Variants in FAF1 observed in about 807,000 individuals in gnomAD.
FAF1 encodes the protein FAS-associated factor 1.
FAF1 carries 25 observed loss-of-function variants against 92.5 expected under a neutral mutation model. The observed-to-expected ratio is 0.27, with a 90% CI of 0.20 to 0.38. The LOEUF is 0.38. Among genes scored for constraint, FAF1 ranks in the 10% least tolerant of loss-of-function variants. The pLI is 1.00. For synonymous variants in FAF1, 234 were observed against 273.2 expected (o/e 0.86, Z 1.42); for missense variants, 636 against 793.3 (o/e 0.80, Z 2.38).
chr1:50,823,027 G>A (rs958448572), intron 2 of FAF1, among the ~76,000 whole-genome samples: 8 of 152,098 alleles, frequency 5.3e-5, no homozygotes, highest in African/African-American at 1.9e-4. Context: ...GCCCGCCTCG[G>A]CCTCCCAAAG....
At chr1:50,895,670 A>G (rs1456337477) in intron 1 of FAF1, among the ~76,000 whole-genome samples, 1 of 152,198 alleles carries the variant, frequency 6.6e-6, no homozygotes, top group Non-Finnish European at 1.5e-5. Context: ...TGAATTCAAC[A>G]ACACATCAAA....
intron 15 of FAF1, among the ~76,000 whole-genome samples, chr1:50,523,872 T>A (rs978043993): frequency 6.6e-6 from 1 of 152,220 alleles, no homozygotes; most frequent in Non-Finnish European, 1.5e-5. Context: ...AGTGTCTTTA[T>A]AACAGAACAA....
At chr1:50,665,671 G>C (rs1655584925) in intron 7 of FAF1, among the ~76,000 whole-genome samples, 1 of 152,136 alleles carries the variant, frequency 6.6e-6, no homozygotes, top group South Asian at 2.1e-4. Flanking sequence ...ACATGTAACA[G>C]AGACTGCATG....
intron 2 of FAF1, among the ~76,000 whole-genome samples, chr1:50,850,921 C>T (rs964213027): frequency 1.3e-5 from 2 of 152,110 alleles, no homozygotes; most frequent in Non-Finnish European, 2.9e-5. Context: ...ATCATATTTA[C>T]AGGTGTGCTA....
chr1:50,490,400 G>C (rs1285404451), intron 17 of FAF1, among the ~76,000 whole-genome samples, 188 bp downstream of exon 17: 9 of 52,436 alleles, frequency 1.7e-4, no homozygotes, highest in African/African-American at 3.2e-4. Flanking sequence ...AGGAAGGAAG[G>C]AAGGAAGGAA....
chr1:50,629,371 A>G (rs1353111298), intron 8 of FAF1, among the ~76,000 whole-genome samples: 1 of 152,038 alleles, frequency 6.6e-6, no homozygotes, highest in Non-Finnish European at 1.5e-5. Flanking sequence ...GTTTCATCAT[A>G]TTGGTCAGGC....
chr1:50,532,112 AG>A (rs1197474941), intron 15 of FAF1, among the ~76,000 whole-genome samples: 1 of 152,184 alleles, frequency 6.6e-6, no homozygotes, highest in African/African-American at 2.4e-5. Flanking sequence ...CTTTAAAGTT[AG>A]AAATGCTTTT....
At chr1:50,683,244 C>T (rs1016620524) in intron 7 of FAF1, among the ~76,000 whole-genome samples, 5 of 150,016 alleles carry the variant, frequency 3.3e-5, no homozygotes, top group East Asian at 4.1e-4. Flanking sequence ...CATTATACCT[C>T]GGCCGGGTGT....
At chr1:50,619,005 C>G (rs1362366449) in intron 8 of FAF1, among the ~76,000 whole-genome samples, 1 of 152,132 alleles carries the variant, frequency 6.6e-6, no homozygotes, top group Admixed American at 6.5e-5. Context: ...AATTCACCAG[C>G]CTTGGACTCC....
intron 4 of FAF1, among the ~76,000 whole-genome samples, chr1:50,756,279 G>A (rs1287377719): frequency 6.6e-6 from 1 of 152,140 alleles, no homozygotes; most frequent in East Asian, 1.9e-4. Context: ...CAAGTTCAAA[G>A]TTCTACAAAT....
chr1:50,485,738 A>C (rs1387072367), intron 17 of FAF1, among the ~76,000 whole-genome samples: 2 of 151,488 alleles, frequency 1.3e-5, no homozygotes, highest in African/African-American at 2.4e-5. Flanking sequence ...GTAATTTATT[A>C]AGAAAAGAGG....
At chr1:50,553,990 AG>A (rs1050298285) in intron 13 of FAF1, among the ~76,000 whole-genome samples, 4 of 152,080 alleles carry the variant, frequency 2.6e-5, no homozygotes, top group Middle Eastern at 3.4e-3. Flanking sequence ...AGCATGTTAT[AG>A]AAAAAAAGGC....
intron 7 of FAF1, among the ~76,000 whole-genome samples, chr1:50,689,848 T>G (rs1656836292): frequency 6.6e-6 from 1 of 152,188 alleles, no homozygotes; most frequent in Admixed American, 6.5e-5. Flanking sequence ...ATTCTGAAAA[T>G]TAGCCTATGT....
At chr1:50,872,472 T>C (rs1226859093) in intron 1 of FAF1, among the ~76,000 whole-genome samples, 4 of 152,218 alleles carry the variant, frequency 2.6e-5, no homozygotes, top group African/African-American at 2.4e-5. Context: ...CTACTCCTGA[T>C]GTAGATGCTG....
chr1:50,956,924 G>GCGACAGT lies in FAF1; in HGVS notation c.45+2842_45+2843insACTGTCG, dbSNP rs1354802565. On this transcript the variant is annotated intron_variant, in intron 1 of 18. Transcript: ENST00000396153. ...GATCATGCCATTGCACTCCAGCCTGGGCAACAAGAGTGAAACTCCATCTCA... is the reference window on the plus strand; with the variant it reads ...GATCATGCCATTGCACTCCAGCCTGGCGACAGTGCAACAAGAGTGAAACTCCATCTCA... Among the ~76,000 whole-genome samples, 29 of 152,152 alleles carry GCGACAGT rather than the reference G, an allele frequency of 1.9e-4. No homozygotes were observed. In the East Asian group the frequency reaches 5.0e-3, roughly 26 times the overall value.
intron 1 of FAF1, among the ~76,000 whole-genome samples, chr1:50,890,781 G>C (rs1339837452): frequency 2.6e-5 from 4 of 152,206 alleles, no homozygotes; most frequent in African/African-American, 9.6e-5. Context: ...CTTTCTCTCT[G>C]GCTGCCCTTA....
intron 1 of FAF1, among the ~76,000 whole-genome samples, chr1:50,900,803 C>A (rs571100589): frequency 3.3e-5 from 5 of 152,014 alleles, no homozygotes; most frequent in African/African-American, 4.8e-5. Context: ...TATTTATTCA[C>A]GTTCATCTTT....
intron 7 of FAF1, among the ~76,000 whole-genome samples, chr1:50,703,073 C>T (rs1657539550): frequency 6.6e-6 from 1 of 151,602 alleles, no homozygotes; most frequent in Non-Finnish European, 1.5e-5. Context: ...AACATTTTTT[C>T]CTTTCCCTCA....
intron 1 of FAF1, among the ~76,000 whole-genome samples, chr1:50,868,594 T>C (rs928689430): frequency 6.6e-6 from 1 of 152,208 alleles, no homozygotes; most frequent in East Asian, 1.9e-4. Flanking sequence ...CAAATTTTTA[T>C]ATGTATGTTC....
Sources: gnomAD v4.1 joint callset for allele counts (sites outside exome capture counted in the v4.1 genomes callset) on GRCh38, gnomAD v4.1.1 for gene constraint, MANE v1.5 for transcripts, NCBI Gene and HGNC (gene_info 2026-07-23, HGNC 2026-07-21) for gene names.